Variants in EML4 observed in about 807,000 individuals in gnomAD.
EML4 encodes echinoderm microtubule-associated protein-like 4.
EML4 carries 72 observed loss-of-function variants against 129.0 expected under a neutral mutation model. That is an observed-to-expected ratio of 0.56 (90% CI 0.46 to 0.68). The LOEUF is 0.68. Ranked by LOEUF, EML4 falls within the 30% of genes least tolerant of loss-of-function variation. The probability of loss-of-function intolerance (pLI) is 0.00; values close to 1 mark genes in which losing one functional copy is unlikely to be tolerated. For synonymous variants in EML4, 532 were observed against 405.0 expected (o/e 1.31, Z -3.77); for missense variants, 1,363 against 1,190.6 (o/e 1.14, Z -2.13).
chr2:42,313,107 C>T (rs1198426297), intron 17 of EML4, among the ~76,000 whole-genome samples: 1 of 151,748 alleles, frequency 6.6e-6, no homozygotes, highest in African/African-American at 2.4e-5. Flanking sequence ...TGCTACCATG[C>T]CTGGCTAATT....
intron 1 of EML4, 23 bp from the exon 2 acceptor site, chr2:42,245,482 C>T (rs779951531): frequency 2.6e-6 from 4 of 1,520,548 alleles, no homozygotes; most frequent in Non-Finnish European, 3.6e-6. Flanking sequence ...TAAAAATATT[C>T]CATATTTTAT....
chr2:42,175,260 C>T (rs541019817), intron 1 of EML4, among the ~76,000 whole-genome samples: 2 of 151,528 alleles, frequency 1.3e-5, no homozygotes, highest in East Asian at 3.9e-4. Context: ...ACTACAGGCA[C>T]TCACCACCAC....
At chr2:42,276,716 T>C (rs1572673484) in intron 6 of EML4, among the ~76,000 whole-genome samples, 1 of 152,246 alleles carries the variant, frequency 6.6e-6, no homozygotes, top group African/African-American at 2.4e-5. Context: ...ATTATCACTT[T>C]ATGTATTGAG....
chr2:42,210,664 G>A (rs1054821221), intron 1 of EML4, among the ~76,000 whole-genome samples: 2 of 152,014 alleles, frequency 1.3e-5, no homozygotes, highest in African/African-American at 2.4e-5. Flanking sequence ...ATTTATTTCA[G>A]TATGGACTCA....
chr2:42,177,261 T>C (rs1670660467), intron 1 of EML4, among the ~76,000 whole-genome samples: 1 of 151,926 alleles, frequency 6.6e-6, no homozygotes, highest in South Asian at 2.1e-4. Flanking sequence ...TACCTCTTTT[T>C]TTTTTTAAAG....
At chr2:42,177,012 C>A (rs1670645830) in intron 1 of EML4, among the ~76,000 whole-genome samples, 1 of 152,080 alleles carries the variant, frequency 6.6e-6, no homozygotes, top group Non-Finnish European at 1.5e-5. Context: ...AGGCCTGTCT[C>A]AAACTCCTGA....
intron 13 of EML4, among the ~76,000 whole-genome samples, chr2:42,297,765 T>C (rs968987201): frequency 6.6e-6 from 1 of 152,236 alleles, no homozygotes; most frequent in African/African-American, 2.4e-5. Flanking sequence ...TTGAGTGTAC[T>C]GTGACATCCT....
chr2:42,243,653 A>G (rs905665889), intron 1 of EML4, among the ~76,000 whole-genome samples: 16 of 152,176 alleles, frequency 1.1e-4, no homozygotes, highest in African/African-American at 2.9e-4. Context: ...TTCAATATCT[A>G]CGTCTCAAAG....
At chr2:42,275,024 T>C (rs1277314627) in intron 6 of EML4, among the ~76,000 whole-genome samples, 2 of 152,216 alleles carry the variant, frequency 1.3e-5, no homozygotes, top group African/African-American at 4.8e-5. Context: ...GAAGCTGTAT[T>C]GTCACCCGGT....
chr2:42,231,039 G>T (rs183084378), intron 1 of EML4, among the ~76,000 whole-genome samples: 1 of 152,196 alleles, frequency 6.6e-6, no homozygotes, highest in Non-Finnish European at 1.5e-5. Context: ...ACCCCCGTCT[G>T]GTTAAACCCT....
At chr2:42,276,751 A>C (rs1209213131) in intron 6 of EML4, among the ~76,000 whole-genome samples, 1 of 152,240 alleles carries the variant, frequency 6.6e-6, no homozygotes, top group Non-Finnish European at 1.5e-5. Context: ...CTTGCAGTTA[A>C]CAAAGCGTGA....
At chr2:42,239,194 C>G (rs574410769) in intron 1 of EML4, among the ~76,000 whole-genome samples, 34 of 152,226 alleles carry the variant, frequency 2.2e-4, no homozygotes, top group African/African-American at 7.5e-4. Flanking sequence ...TGTGCCCCCA[C>G]TAAGAAAACA....
chr2:42,222,830 G>T lies in EML4; in HGVS notation c.26-22675G>T, dbSNP rs143338270. On this transcript the variant is annotated intron_variant, in intron 1 of 22. Transcript: ENST00000318522. Reference sequence around the variant, plus strand: ...TGTTTTGTTTTTGAGATGGAGTCTCGCTTTGTCGCCTAGGCTGGAGTGCAA... The same window carrying T: ...TGTTTTGTTTTTGAGATGGAGTCTCTCTTTGTCGCCTAGGCTGGAGTGCAA... 6.3e-3 allele frequency among the ~76,000 whole-genome samples: 954 copies of T among 152,004 alleles called. 11 individuals carry two copies. Among genetic ancestry groups the T allele is most frequent in the African/African-American group, 0.022 (915 of 41,474 alleles).
At chr2:42,327,644 C>T (rs1006776273) in intron 21 of EML4, among the ~76,000 whole-genome samples, 1 of 152,136 alleles carries the variant, frequency 6.6e-6, no homozygotes, top group Admixed American at 6.5e-5. Flanking sequence ...GGAAATCCGA[C>T]CTCTATGACT....
rs766938484 is a variant in EML4 at position 42,320,329 on chromosome 2, A to T, written c.2154+2805A>T. 6.1e-3 allele frequency among the ~76,000 whole-genome samples: 582 copies of T among 95,722 alleles called. 2 individuals are homozygous for T. Among genetic ancestry groups the T allele is most frequent in the East Asian group, 0.017 (56 of 3,284 alleles). The allele number at this position is 95,722 out of a possible 152,430, so 62.8% of individuals were successfully genotyped here. A position where few individuals can be genotyped will look rare whatever the true frequency, so the allele number is the denominator to read the frequency against. The stretch of plus-strand genomic sequence containing the variant: ...TTAACCAAGACCCTGTCTGTATTTT[A>T]AAAAAAAAAAAAAAGCTGTGCTTAA... On this transcript the variant is annotated intron_variant, in intron 19 of 22. Coordinates refer to ENST00000318522, the MANE Select transcript of EML4 (RefSeq NM_019063.5).
chr2:42,317,475 A>T lies in EML4; in HGVS notation c.2105A>T (p.Tyr702Phe). The stretch of plus-strand genomic sequence containing the variant: ...TCTCATGACAACTTTATTTACCTCT[A>T]TGTAGTCTCTGAAAATGGAAGAAAA... ...VGSHDNFIYL[Y>F]VVSENGRKYS... Residue 702 changes from tyrosine (Y) to phenylalanine (F), a missense_variant, in exon 19 of 23, where the codon TAT becomes TTT. By Grantham distance (22) the Tyr-to-Phe change is conservative (BLOSUM62 3). Coordinates refer to ENST00000318522, the MANE Select transcript of EML4 (RefSeq NM_019063.5). 1 of 1,613,022 alleles carries T rather than the reference A, an allele frequency of 6.2e-7. No homozygotes were observed. The highest frequency in any genetic ancestry group is 8.5e-7 in the Non-Finnish European group (1 of 1,179,378).
At chr2:42,207,374 T>C (rs1238563458) in intron 1 of EML4, among the ~76,000 whole-genome samples, 2 of 152,200 alleles carry the variant, frequency 1.3e-5, no homozygotes, top group South Asian at 2.1e-4. Flanking sequence ...TTAAGGGTGA[T>C]TGGAGTGTCT....
At chr2:42,242,165 A>G (rs866983642) in intron 1 of EML4, among the ~76,000 whole-genome samples, 18 of 152,182 alleles carry the variant, frequency 1.2e-4, no homozygotes, top group Non-Finnish European at 7.3e-5. Flanking sequence ...TTATAGCCTG[A>G]TGATCTAGTA....
intron 6 of EML4, among the ~76,000 whole-genome samples, chr2:42,275,460 G>C (rs2104440599): frequency 6.6e-6 from 1 of 152,280 alleles, no homozygotes; most frequent in Middle Eastern, 3.4e-3. Context: ...TAACCTCTCT[G>C]AGTGTTGGTT....
Sources: allele counts gnomAD v4.1 joint callset (sites outside exome capture counted in the v4.1 genomes callset), GRCh38; gene constraint gnomAD v4.1.1; transcripts MANE v1.5; gene names NCBI Gene and HGNC (gene_info 2026-07-23, HGNC 2026-07-21).